The following WWOX variants were observed in gnomAD, a reference collection of about 807,000 sequenced individuals.
WWOX encodes the protein WW domain-containing oxidoreductase.
In WWOX, 69 loss-of-function variants were observed where a neutral mutation model predicts 46.2. The observed-to-expected ratio is 1.49, with a 90% CI of 1.23 to 1.82. The LOEUF (loss-of-function observed/expected upper bound fraction) is 1.82. Ranked by LOEUF, WWOX falls within the 40% of genes most tolerant of loss-of-function variation. The pLI is 0.00. For synonymous variants in WWOX, 359 were observed against 202.6 expected, an observed-to-expected ratio of 1.77 and a Z score of -6.56; for missense variants, 919 against 542.6, an observed-to-expected ratio of 1.69 and a Z score of -6.89.
chr16:78,971,745 G>A (rs1359095337), intron 8 of WWOX, among the ~76,000 whole-genome samples: 2 of 97,954 alleles, frequency 2.0e-5, no homozygotes, highest in African/African-American at 3.7e-5. Flanking sequence ...CTGCCGCCCT[G>A]GCCTTCTTTT....
chr16:78,793,768 C>G (rs898441693), intron 8 of WWOX, among the ~76,000 whole-genome samples: 2 of 151,938 alleles, frequency 1.3e-5, no homozygotes, highest in Admixed American at 1.3e-4. Flanking sequence ...GAAGAGGAAT[C>G]CAGGTTAGAA....
chr16:79,028,157 C>G (rs2550699), intron 8 of WWOX, among the ~76,000 whole-genome samples: 119,040 of 151,448 alleles, frequency 0.79, 47,178 homozygotes, highest in East Asian at 0.96. Context: ...CACCGTGTTA[C>G]CCAGGATGGT....
intron 5 of WWOX, among the ~76,000 whole-genome samples, chr16:78,299,274 G>A (rs147139039): frequency 6.6e-6 from 1 of 152,098 alleles, no homozygotes; most frequent in African/African-American, 2.4e-5. Flanking sequence ...TCTAATCTCA[G>A]GAGTGAGTGC....
chr16:78,777,631 A>G (rs1474436803), intron 8 of WWOX, among the ~76,000 whole-genome samples: 1 of 152,176 alleles, frequency 6.6e-6, no homozygotes, highest in Non-Finnish European at 1.5e-5. Context: ...AATTTTTGCA[A>G]TAGTCAAAAA....
At chr16:78,919,130 C>T (rs775009648) in intron 8 of WWOX, among the ~76,000 whole-genome samples, 16 of 152,226 alleles carry the variant, frequency 1.1e-4, no homozygotes, top group Admixed American at 1.3e-4. Context: ...AAACAACACA[C>T]GGAACAATGA....
Position 78,325,959 on chromosome 16 carries a change from A to G in WWOX, c.517-60901A>G, listed in dbSNP as rs114475378. Among the ~76,000 whole-genome samples, 1,397 of 152,344 alleles carry G rather than the reference A, an allele frequency of 9.2e-3. 16 individuals are homozygous for G. Among genetic ancestry groups the G allele is most frequent in the African/African-American group, 0.031 (1,288 of 41,586 alleles). ...CCTGGTGCTCAGCACATACAACATC[A>G]TTTCATTTTCACAGCCCTTGTGACA... is the stretch of plus-strand genomic sequence containing the variant. On this transcript the variant is annotated intron_variant, in intron 5 of 8. Coordinates refer to ENST00000566780, the MANE Select transcript of WWOX (RefSeq NM_016373.4).
At chr16:78,212,394 T>A (rs1306929139) in intron 5 of WWOX, among the ~76,000 whole-genome samples, 1 of 152,154 alleles carries the variant, frequency 6.6e-6, no homozygotes, top group East Asian at 1.9e-4. Context: ...CCTACTGTGA[T>A]CCCTAAAGCA....
chr16:79,030,205 A>G (rs1323372903), intron 8 of WWOX, among the ~76,000 whole-genome samples: 2 of 152,338 alleles, frequency 1.3e-5, no homozygotes, highest in South Asian at 2.1e-4. Context: ...GTCTGTTAGG[A>G]CATTGTAATT....
intron 8 of WWOX, among the ~76,000 whole-genome samples, chr16:78,888,781 C>G (rs2044522729): frequency 6.6e-6 from 1 of 151,620 alleles, no homozygotes; most frequent in South Asian, 2.1e-4. Context: ...ACCTTTGTCA[C>G]TGTTGGTACA....
intron 8 of WWOX, chr16:79,203,501 T>C (rs555082136): frequency 6.6e-6 from 1 of 151,998 alleles, no homozygotes; most frequent in African/African-American, 2.4e-5. Context: ...TTGTGTTTTT[T>C]TTTTTTTTTT....
At chr16:78,908,331 G>A (rs915949097) in intron 8 of WWOX, among the ~76,000 whole-genome samples, 8 of 152,076 alleles carry the variant, frequency 5.3e-5, no homozygotes, top group African/African-American at 1.2e-4. Flanking sequence ...ACTGAGGTCA[G>A]GAGTTTGAGA....
intron 8 of WWOX, among the ~76,000 whole-genome samples, chr16:79,035,769 T>C (rs11859764): frequency 0.031 from 4,627 of 150,674 alleles, 113 homozygotes; most frequent in African/African-American, 0.063. Flanking sequence ...AAACTCCTGA[T>C]CTCAGGTGTT....
intron 8 of WWOX, among the ~76,000 whole-genome samples, chr16:78,492,456 G>C (rs1192592114): frequency 1.3e-5 from 2 of 152,124 alleles, no homozygotes; most frequent in Non-Finnish European, 1.5e-5. Context: ...AACATATTCA[G>C]CATCCAATCC....
At chr16:78,578,305 T>TTTTTTTC in intron 8 of WWOX, among the ~76,000 whole-genome samples, 1 of 127,352 alleles carries the variant, frequency 7.9e-6, no homozygotes, top group Non-Finnish European at 1.6e-5. Flanking sequence ...TTTTTTTTTT[T>TTTTTTTC]TTTGGTCGGA....
At chr16:78,100,896 C>T (rs527567003) in intron 1 of WWOX, among the ~76,000 whole-genome samples, 17 of 152,306 alleles carry the variant, frequency 1.1e-4, no homozygotes, top group Admixed American at 5.2e-4. Context: ...CTGTAGCCGA[C>T]TCTCAACTTT....
chr16:79,000,858 C>G (rs1009122005), intron 8 of WWOX, among the ~76,000 whole-genome samples: 1 of 152,188 alleles, frequency 6.6e-6, no homozygotes, highest in Non-Finnish European at 1.5e-5. Flanking sequence ...GACCTCTCTT[C>G]CATGGCATTG....
chr16:78,353,024 GTCTT>G (rs1431249705), intron 5 of WWOX, among the ~76,000 whole-genome samples: 3 of 152,098 alleles, frequency 2.0e-5, no homozygotes, highest in South Asian at 2.1e-4. Flanking sequence ...TAATTTATTC[GTCTT>G]TCTTCTTTTG....
intron 5 of WWOX, among the ~76,000 whole-genome samples, chr16:78,321,340 ATATATATACGTATATATGCG>A (rs1567499156): frequency 1.1e-4 from 6 of 54,978 alleles, no homozygotes; most frequent in East Asian, 3.2e-3. Flanking sequence ...ATATATGCGT[ATATATATACGTATATATGCG>A]TATATATATA....
At chr16:78,418,743 C>T (rs117454585) in intron 6 of WWOX, among the ~76,000 whole-genome samples, 2,007 of 152,232 alleles carry the variant, frequency 0.013, 18 homozygotes, top group Middle Eastern at 0.031. Flanking sequence ...AGGTCCAGCA[C>T]GCTTTCTTGA....
Sources: gnomAD v4.1 joint callset for allele counts (sites outside exome capture counted in the v4.1 genomes callset) on GRCh38, gnomAD v4.1.1 for gene constraint, MANE v1.5 for transcripts, NCBI Gene and HGNC (gene_info 2026-07-23, HGNC 2026-07-21) for gene names.